Variants in DPP10 observed in about 807,000 individuals in gnomAD.
The protein encoded by DPP10 is inactive dipeptidyl peptidase 10.
In DPP10, 33 loss-of-function variants were observed where a neutral mutation model predicts 120.9. The observed-to-expected ratio is 0.27, with a 90% confidence interval of 0.21 to 0.37. The LOEUF is 0.37. DPP10 is among the 10% of genes least tolerant of loss of function. The probability of loss-of-function intolerance (pLI) is 1.00; values close to 1 mark genes in which losing one functional copy is unlikely to be tolerated. For missense variants in DPP10, 816 were observed against 942.8 expected (o/e 0.87, Z 1.76); for synonymous variants, 337 against 326.1 (o/e 1.03, Z -0.36).
rs536931398 is a variant in DPP10 at position 114,530,720 on chromosome 2, A to G, written c.60+87882A>G. ...TTGCAGCAGAAGCATCTATGGAAGT[A>G]CTGTCTACAATGAGATAGTCAAAAA... On this transcript the variant is annotated intron_variant, in intron 1 of 25. Transcript: ENST00000410059. 2.7e-4 allele frequency among the ~76,000 whole-genome samples: 41 copies of G among 152,280 alleles called. 1 individual carries two copies. The South Asian group carries it at 3.5e-3, about 13-fold the overall frequency.
intron 19 of DPP10, among the ~76,000 whole-genome samples, chr2:115,794,443 T>C (rs1684324671): frequency 1.3e-5 from 2 of 152,346 alleles, no homozygotes; most frequent in African/African-American, 2.4e-5. Context: ...CTTGGTCATA[T>C]GTTTTGAAAC....
intron 1 of DPP10, among the ~76,000 whole-genome samples, chr2:114,737,845 G>C (rs545823890): frequency 1.3e-5 from 2 of 152,326 alleles, no homozygotes; most frequent in South Asian, 4.1e-4. Context: ...GCTTTTACGA[G>C]AATGGAATGA....
intron 5 of DPP10, among the ~76,000 whole-genome samples, chr2:115,616,142 A>G (rs1370757845): frequency 6.6e-6 from 1 of 152,156 alleles, no homozygotes; most frequent in Non-Finnish European, 1.5e-5. Context: ...ATGCCAGGAT[A>G]TATTTGAAGC....
At chr2:115,816,761 G>A (rs1226044509) in intron 21 of DPP10, among the ~76,000 whole-genome samples, 1 of 150,374 alleles carries the variant, frequency 6.7e-6, no homozygotes, top group East Asian at 2.0e-4. Context: ...GGGACTACAA[G>A]CACGTGTCAC....
At chr2:114,635,589 G>A (rs1300571315) in intron 1 of DPP10, among the ~76,000 whole-genome samples, 1 of 151,744 alleles carries the variant, frequency 6.6e-6, no homozygotes, top group Non-Finnish European at 1.5e-5. Flanking sequence ...AAATGCCTTG[G>A]CCCCTGCCTT....
In DPP10 at chr2:114,684,479, C is replaced by T. The variant is rs544167297; in HGVS notation, c.60+241641C>T. On this transcript the variant is annotated intron_variant, in intron 1 of 25. Transcript: ENST00000410059. ...ATATGAAAGTGTTTTCTTTCCCTCC[C>T]TTTGGGCTGGTTTTACAATGCTAGT... Among the ~76,000 whole-genome samples the T allele has an allele frequency of 2.0e-5, 3 of 152,128 alleles. No individual in the cohort carries two copies. The East Asian group carries it at 5.8e-4, about 30-fold the overall frequency.
intron 5 of DPP10, among the ~76,000 whole-genome samples, chr2:115,599,020 C>T (rs982646801): frequency 2.0e-5 from 3 of 151,820 alleles, no homozygotes; most frequent in African/African-American, 4.8e-5. Context: ...TTTTGTTCTT[C>T]ATGGGTTTCT....
intron 24 of DPP10, among the ~76,000 whole-genome samples, chr2:115,840,311 G>GTTT (rs1396102493): frequency 1.5e-4 from 5 of 33,242 alleles, no homozygotes; most frequent in South Asian, 1.4e-3. Context: ...CAGATATAAG[G>GTTT]TTTTTTGGTT....
intron 1 of DPP10, among the ~76,000 whole-genome samples, chr2:114,789,802 G>C (rs1023274436): frequency 3.9e-5 from 6 of 152,222 alleles, no homozygotes; most frequent in African/African-American, 1.4e-4. Context: ...ACACATGAGT[G>C]TGCAGTCCCA....
intron 1 of DPP10, among the ~76,000 whole-genome samples, chr2:114,735,148 G>A (rs1453293744): frequency 6.6e-6 from 1 of 152,062 alleles, no homozygotes; most frequent in Admixed American, 6.6e-5. Context: ...TAGGGCTTAG[G>A]ATTTCAACAT....
chr2:115,553,302 G>A (rs1429321686), intron 5 of DPP10, among the ~76,000 whole-genome samples: 1 of 151,988 alleles, frequency 6.6e-6, no homozygotes, highest in Non-Finnish European at 1.5e-5. Flanking sequence ...AATGCAGATT[G>A]TGTCTTTCTC....
At chr2:114,698,294 C>A (rs569212333) in intron 1 of DPP10, among the ~76,000 whole-genome samples, 1 of 152,014 alleles carries the variant, frequency 6.6e-6, no homozygotes, top group Non-Finnish European at 1.5e-5. Context: ...ATGGAGGCCT[C>A]TTGCCTGGAG....
rs1369223695 is a variant in DPP10, at chr2:115,800,916, G to A, written c.1700+9560G>A. 1.5e-4 allele frequency among the ~76,000 whole-genome samples: 22 copies of A among 150,602 alleles called. 1 individual carries two copies. Among genetic ancestry groups the A allele is most frequent in the African/African-American group, 3.9e-4 (16 of 40,966 alleles). ...TGGCTTAGGATTGACTTGGCAATGC[G>A]GGCTCTTTTTTGGTTCCATATGAAC... On this transcript the variant is annotated intron_variant, in intron 19 of 25. Coordinates refer to ENST00000410059, the MANE Select transcript of DPP10 (RefSeq NM_020868.6).
chr2:114,624,666 T>G (rs905914065), intron 1 of DPP10, among the ~76,000 whole-genome samples: 6 of 152,016 alleles, frequency 3.9e-5, no homozygotes, highest in African/African-American at 1.4e-4. Flanking sequence ...ATATAAGATT[T>G]TTATATTATA....
At chr2:115,720,697 A>G (rs2092627884) in intron 7 of DPP10, among the ~76,000 whole-genome samples, 1 of 152,186 alleles carries the variant, frequency 6.6e-6, no homozygotes, top group African/African-American at 2.4e-5. Context: ...TCACTGAAGA[A>G]TTTCCATGTG....
chr2:115,216,970 T>A (rs890675525), intron 1 of DPP10, among the ~76,000 whole-genome samples: 1 of 152,044 alleles, frequency 6.6e-6, no homozygotes, highest in Non-Finnish European at 1.5e-5. Context: ...ACACTACAAT[T>A]TTAAAAGATT....
At chr2:115,814,695 C>T in intron 19 of DPP10, 98 bp from the exon 20 acceptor site, 1 of 955,654 alleles carries the variant, frequency 1.0e-6, no homozygotes, top group Non-Finnish European at 1.5e-6. Context: ...ATAGCCAGCA[C>T]AGTTCTTTCC....
chr2:115,039,965 G>GA (rs888762554), intron 1 of DPP10, among the ~76,000 whole-genome samples: 1 of 151,206 alleles, frequency 6.6e-6, no homozygotes, highest in African/African-American at 2.4e-5. Context: ...AAGACTAAGG[G>GA]AAAAAAATGT....
intron 1 of DPP10, among the ~76,000 whole-genome samples, chr2:114,668,463 T>C (rs536360042): frequency 6.6e-6 from 1 of 152,202 alleles, no homozygotes; most frequent in Non-Finnish European, 1.5e-5. Flanking sequence ...CTCAGTCTAC[T>C]GATTCAAATG....
Sources: allele counts gnomAD v4.1 joint callset (sites outside exome capture counted in the v4.1 genomes callset), GRCh38; gene constraint gnomAD v4.1.1; transcripts MANE v1.5; gene names NCBI Gene and HGNC (gene_info 2026-07-23, HGNC 2026-07-21).